Variants in PDGFD observed in about 807,000 individuals in gnomAD.
PDGFD encodes the protein platelet-derived growth factor D.
PDGFD carries 30 observed loss-of-function variants against 44.7 expected under a neutral mutation model. The observed-to-expected ratio is 0.67, with a 90% CI of 0.50 to 0.91. The LOEUF (loss-of-function observed/expected upper bound fraction) is 0.91. Ranked by LOEUF, PDGFD falls within the 40% of genes least tolerant of loss-of-function variation. The probability of loss-of-function intolerance (pLI) is 0.00; values close to 1 mark genes in which losing one functional copy is unlikely to be tolerated. For synonymous variants in PDGFD, 173 were observed against 168.4 expected (o/e 1.03, Z -0.21); for missense variants, 445 against 457.8 (o/e 0.97, Z 0.25).
At chr11:104,111,069 T>A (rs1348581352) in intron 1 of PDGFD, among the ~76,000 whole-genome samples, 1 of 151,958 alleles carries the variant, frequency 6.6e-6, no homozygotes, top group East Asian at 1.9e-4. Flanking sequence ...AGTAAAAGAA[T>A]TTTAGGTATT....
intron 1 of PDGFD, among the ~76,000 whole-genome samples, chr11:104,031,806 T>C (rs549376735): frequency 5.6e-4 from 86 of 152,282 alleles, no homozygotes; most frequent in African/African-American, 1.9e-3. Context: ...TGAAATACTA[T>C]GCAGCCATAA....
At chr11:104,020,775 A>T (rs1450702180) in intron 1 of PDGFD, among the ~76,000 whole-genome samples, 2 of 152,194 alleles carry the variant, frequency 1.3e-5, no homozygotes, top group African/African-American at 4.8e-5. Context: ...CTGTTTGAAT[A>T]GTTTCAAACA....
chr11:104,126,649 C>T (rs552914132), intron 1 of PDGFD, among the ~76,000 whole-genome samples: 12 of 152,130 alleles, frequency 7.9e-5, no homozygotes, highest in African/African-American at 2.2e-4. Context: ...ATATGTAGAG[C>T]ATATCTACAT....
intron 1 of PDGFD, among the ~76,000 whole-genome samples, chr11:104,145,758 G>A (rs1388166207): frequency 1.3e-5 from 2 of 152,108 alleles, no homozygotes; most frequent in African/African-American, 4.8e-5. Context: ...CCTGACCCCC[G>A]AGTGTGCTTG....
intron 6 of PDGFD, among the ~76,000 whole-genome samples, chr11:103,915,325 C>A (rs925351824): frequency 1.3e-5 from 2 of 152,140 alleles, no homozygotes; most frequent in African/African-American, 4.8e-5. Context: ...AGAGCCAAAT[C>A]ATGAGTGAAC....
chr11:103,981,052 T>A (rs1859264620), intron 3 of PDGFD, among the ~76,000 whole-genome samples: 1 of 149,172 alleles, frequency 6.7e-6, no homozygotes, highest in African/African-American at 2.6e-5. Flanking sequence ...AAAACTCATG[T>A]TGGAACGTAA....
intron 1 of PDGFD, among the ~76,000 whole-genome samples, chr11:104,074,011 C>T (rs1457330070): frequency 6.6e-6 from 1 of 152,186 alleles, no homozygotes; most frequent in Non-Finnish European, 1.5e-5. Context: ...TTTCCAGTGA[C>T]TTCTGCTTTG....
chr11:104,119,023 A>C (rs377502150), intron 1 of PDGFD, among the ~76,000 whole-genome samples: 1 of 4,212 alleles, frequency 2.4e-4, no homozygotes, highest in African/African-American at 1.2e-3. Flanking sequence ...ATATTATATA[A>C]TATATCGATA....
intron 3 of PDGFD, among the ~76,000 whole-genome samples, chr11:103,967,072 G>A (rs545910415): frequency 2.4e-4 from 37 of 152,230 alleles, no homozygotes; most frequent in African/African-American, 8.4e-4. Context: ...AAATATAAAA[G>A]CTATGAAAGG....
Position 104,103,462 on chromosome 11 carries a change from G to GTGTGTATA in PDGFD, c.124+60341_124+60342insTATACACA, listed in dbSNP as rs1041388346. ...AACAGACAATTATGTGTGTGTGTGT[G>GTGTGTATA]TATATATATATATATATATATATAT... On this transcript the variant is annotated intron_variant, in intron 1 of 6. Transcript: ENST00000393158. Among the ~76,000 whole-genome samples, 1,300 of 133,100 alleles carry GTGTGTATA rather than the reference G, an allele frequency of 9.8e-3. 7 individuals are homozygous for GTGTGTATA. Among genetic ancestry groups the GTGTGTATA allele is most frequent in the Middle Eastern group, 0.022 (5 of 232 alleles). The allele number at this position is 133,100 out of a possible 152,430, so 87.3% of individuals were successfully genotyped here.
intron 1 of PDGFD, among the ~76,000 whole-genome samples, chr11:104,159,374 G>A (rs538101746): frequency 1.3e-5 from 2 of 152,018 alleles, no homozygotes; most frequent in African/African-American, 4.8e-5. Context: ...TCTACACCTG[G>A]TTCATCCATC....
chr11:103,956,599 A>G (rs1460196915), intron 3 of PDGFD, among the ~76,000 whole-genome samples: 1 of 151,872 alleles, frequency 6.6e-6, no homozygotes, highest in African/African-American at 2.4e-5. Context: ...GCTGGGTCAA[A>G]TGGTATTTCT....
intron 5 of PDGFD, among the ~76,000 whole-genome samples, chr11:103,929,147 A>G (rs1858362044): frequency 6.6e-6 from 1 of 152,160 alleles, no homozygotes; most frequent in Admixed American, 6.5e-5. Flanking sequence ...GACTACATTT[A>G]GTTGTTCCCC....
At chr11:103,949,744 G>A (rs1457756049) in intron 3 of PDGFD, among the ~76,000 whole-genome samples, 11 of 152,214 alleles carry the variant, frequency 7.2e-5, no homozygotes, top group Admixed American at 2.0e-4. Context: ...AAACGCATGT[G>A]GGTGCTCTGA....
At chr11:104,034,982 G>T (rs115911113) in intron 1 of PDGFD, among the ~76,000 whole-genome samples, 8 of 152,076 alleles carry the variant, frequency 5.3e-5, no homozygotes, top group African/African-American at 1.9e-4. Flanking sequence ...TAACTGGCAT[G>T]CAAGGATTTC....
chr11:104,010,625 T>G (rs1957265228), intron 1 of PDGFD, among the ~76,000 whole-genome samples: 2 of 152,106 alleles, frequency 1.3e-5, no homozygotes, highest in South Asian at 4.1e-4. Context: ...TTTGGTCTAA[T>G]TTTTAGAATA....
chr11:103,914,597 C>T (rs1477699460), intron 6 of PDGFD, among the ~76,000 whole-genome samples: 12 of 152,166 alleles, frequency 7.9e-5, no homozygotes, highest in South Asian at 6.2e-4. Context: ...ACTCATTTTA[C>T]GAGGCCAGCA....
rs868672689 is a variant in PDGFD at position 103,937,781 on chromosome 11, C to T, written c.772+5671G>A. Reference sequence around the variant, plus strand: ...ATGTGTTCTCATTGTTCAATTCCCACCTATGAGTGAGAACATGCGGTGTTT... The same window carrying T: ...ATGTGTTCTCATTGTTCAATTCCCATCTATGAGTGAGAACATGCGGTGTTT... On this transcript the variant is annotated intron_variant, in intron 5 of 6. Coordinates refer to ENST00000393158, the MANE Select transcript of PDGFD (RefSeq NM_025208.5). 1.5e-3 allele frequency among the ~76,000 whole-genome samples: 215 copies of T among 146,486 alleles called. 1 individual carries two copies. The Middle Eastern group carries it at 0.018, about 12-fold the overall frequency.
At chr11:103,913,927 T>C (rs534015225) in intron 6 of PDGFD, among the ~76,000 whole-genome samples, 33 of 151,868 alleles carry the variant, frequency 2.2e-4, no homozygotes, top group African/African-American at 7.5e-4. Context: ...TGGACACATA[T>C]GTAGCCTGTA....
Sources: allele counts gnomAD v4.1 joint callset (sites outside exome capture counted in the v4.1 genomes callset), GRCh38; gene constraint gnomAD v4.1.1; transcripts MANE v1.5; gene names NCBI Gene and HGNC (gene_info 2026-07-23, HGNC 2026-07-21).